Variants in EPS8 observed in about 807,000 individuals in gnomAD.
EPS8 encodes the protein EGFR pathway substrate 8, signaling adaptor, also known as epidermal growth factor receptor kinase substrate 8.
A neutral mutation model predicts 103.8 loss-of-function variants in EPS8; 42 were observed. The ratio of observed to expected loss-of-function variants is 0.40; its 90% CI spans 0.32 to 0.52. EPS8 has a LOEUF of 0.52. Ranked by LOEUF, EPS8 falls within the 20% of genes least tolerant of loss-of-function variation. The pLI, the probability that EPS8 is intolerant of heterozygous loss-of-function variation, is 0.40. For synonymous variants in EPS8, 344 were observed against 344.6 expected (o/e 1.00, Z 0.02); for missense variants, 969 against 1,005.1 (o/e 0.96, Z 0.49).
rs1167178442 is a variant in EPS8 at position 15,789,269 on chromosome 12, C to G, written c.-130G>C. On this transcript the variant is annotated 5_prime_UTR_variant, in exon 1 of 21. Coordinates refer to ENST00000281172, the MANE Select transcript of EPS8 (RefSeq NM_004447.6). The surrounding 1 kb of genome is among the most constrained non-coding windows in gnomAD (Gnocchi z 6.1). ...CCAATCTGATTCGCGCCCAGCCAGT[C>G]GTCCGCGAGCCGCGGAGCCGCCTTC... is the stretch of plus-strand genomic sequence containing the variant. 6.6e-6 allele frequency: 1 copy of G among 152,178 alleles called. No individual in the cohort carries two copies. Among genetic ancestry groups the G allele is most frequent in the Non-Finnish European group, 1.5e-5 (1 of 68,056 alleles). 9.4% of individuals were successfully genotyped at this position (152,178 alleles called of 1,614,324 possible).
In EPS8 at chr12:15,706,822, T is replaced by C. The variant is rs1946393143; in HGVS notation, c.-21-23850A>G. ...CAATTCTCCAACCTACTCTATTGTC[T>C]ATGTGTACAAGTTTTTTTTCTATTT... On this transcript the variant is annotated intron_variant, in intron 1 of 20. Coordinates refer to ENST00000281172, the MANE Select transcript of EPS8 (RefSeq NM_004447.6). The surrounding 1 kb of genome is among the most constrained non-coding windows in gnomAD (Gnocchi z 5.2). Among the ~76,000 whole-genome samples, 2 of 152,210 alleles carry C rather than the reference T, an allele frequency of 1.3e-5. No homozygotes were observed. Among genetic ancestry groups the C allele is most frequent in the Non-Finnish European group, 2.9e-5 (2 of 68,022 alleles).
chr12:15,754,152 C>T (rs905149556), intron 1 of EPS8, among the ~76,000 whole-genome samples: 1 of 152,040 alleles, frequency 6.6e-6, no homozygotes, highest in Non-Finnish European at 1.5e-5. Context: ...CATGAATTCT[C>T]TCTGTCCCAA....
chr12:15,737,523 T>TA (rs1565524445), intron 1 of EPS8, among the ~76,000 whole-genome samples: 1 of 152,174 alleles, frequency 6.6e-6, no homozygotes, highest in East Asian at 1.9e-4. Flanking sequence ...GTGCCTAATG[T>TA]ATATGAACTC....
At chr12:15,724,050 T>C (rs1010453489) in intron 1 of EPS8, among the ~76,000 whole-genome samples, 5 of 152,196 alleles carry the variant, frequency 3.3e-5, no homozygotes, top group Admixed American at 6.5e-5. Context: ...AAAAATTCTA[T>C]GGCTTCTTAA....
intron 1 of EPS8, among the ~76,000 whole-genome samples, chr12:15,703,847 GTTTT>G (rs58735135): frequency 8.5e-4 from 52 of 61,238 alleles, no homozygotes; most frequent in African/African-American, 3.0e-3. Context: ...CTATGTATTT[GTTTT>G]TTTTTTTTTT....
chr12:15,669,851 A>T, intron 4 of EPS8, 26 bp from the exon 5 acceptor site: 4 of 1,557,242 alleles, frequency 2.6e-6, no homozygotes, highest in Non-Finnish European at 3.5e-6. Context: ...AAGGAAAAAG[A>T]TTTATAACAC....
At position 15,787,790 on chromosome 12, in the gene EPS8, T is replaced by C. The variant is rs980541393; in HGVS notation, c.-22+1371A>G. ...TCTACCTTACCCTTTATGTGACAAT[T>C]CTATACTGTTTTAACTGTCAAATTG... On this transcript the variant is annotated intron_variant, in intron 1 of 20. Transcript: ENST00000281172. The surrounding 1 kb of genome is among the most constrained non-coding windows in gnomAD (Gnocchi z 4.9). 1.3e-5 allele frequency among the ~76,000 whole-genome samples: 2 copies of C among 152,196 alleles called. No homozygotes were observed. The highest frequency in any genetic ancestry group is 4.8e-5 in the African/African-American group (2 of 41,438).
Position 15,654,304 on chromosome 12 carries a change from A to G in EPS8, c.1102-11T>C. On this transcript the variant is annotated splice_polypyrimidine_tract_variant and intron_variant, in intron 12 of 20. Transcript: ENST00000281172. The stretch of plus-strand genomic sequence containing the variant: ...TGTTGCCTGCACCACCTAAGATAAT[A>G]AACCATTTTTTAGCAAGAAGATTAC... 6.2e-7 allele frequency: 1 copy of G among 1,610,478 alleles called. No homozygotes were observed. The highest frequency in any genetic ancestry group is 1.1e-5 in the South Asian group (1 of 90,408).
intron 1 of EPS8, among the ~76,000 whole-genome samples, chr12:15,782,700 G>A (rs754730124): frequency 6.6e-6 from 1 of 151,932 alleles, no homozygotes; most frequent in African/African-American, 2.4e-5. Context: ...ACACACACAC[G>A]ATACATAGTA....
rs1212191886 is a variant in EPS8 at position 15,768,221 on chromosome 12, C to T, written c.-22+20940G>A. On this transcript the variant is annotated intron_variant, in intron 1 of 20. Coordinates refer to ENST00000281172, the MANE Select transcript of EPS8 (RefSeq NM_004447.6). ...TTGGGAGGCCAAGGCGGGTGGATCA[C>T]GAGGTCAGGAGTTCAAGACCAGCCT... 3.3e-5 allele frequency among the ~76,000 whole-genome samples: 5 copies of T among 151,728 alleles called. No homozygotes were observed. In the East Asian group the frequency reaches 9.7e-4, roughly 29 times the overall value.
rs1330722328 is a variant in EPS8, at chr12:15,647,157, A to G, written c.1538T>C (p.Phe513Ser). 6.2e-7 allele frequency: 1 copy of G among 1,613,872 alleles called. No homozygotes were observed. The highest frequency in any genetic ancestry group is 1.3e-5 in the African/African-American group (1 of 74,942). Residue 513 changes from phenylalanine (F) to serine (S), a missense_variant, in exon 15 of 21, where the codon TTT (phenylalanine) becomes TCT (serine). Transcript: ENST00000281172. ...HLDQGEAAVA[F>S]KPTSNRHIDR... ...TATATGGCGATTAGAAGTTGGCTTAAAAGCAACAGCAGCTTCCCCTTGGTC... is the reference window on the plus strand; with the variant it reads ...TATATGGCGATTAGAAGTTGGCTTAGAAGCAACAGCAGCTTCCCCTTGGTC...
In EPS8 at chr12:15,723,538, CTG is replaced by C. The variant is rs1338918359; in HGVS notation, c.-21-40568_-21-40567del. 1.1e-3 allele frequency among the ~76,000 whole-genome samples: 165 copies of C among 152,090 alleles called. 1 individual carries two copies. The highest frequency in any genetic ancestry group is 3.8e-3 in the African/African-American group (156 of 41,488). On this transcript the variant is annotated intron_variant, in intron 1 of 20. Coordinates refer to ENST00000281172, the MANE Select transcript of EPS8 (RefSeq NM_004447.6). ...GGTACAAATATGCATAAGATTTTTC[CTG>C]AAGACCAAAATATACATACATCTTG... is the stretch of plus-strand genomic sequence containing the variant.
rs998369500 is a variant in EPS8, at chr12:15,747,730, A to G, written c.-22+41431T>C. On this transcript the variant is annotated intron_variant, in intron 1 of 20. Coordinates refer to ENST00000281172, the MANE Select transcript of EPS8 (RefSeq NM_004447.6). This position sits in a 1 kb window ranked among gnomAD's most constrained non-coding sequence, Gnocchi z 4.4. ...AACAGGACAAATACTCCAATTTAAG[A>G]AAAAAAATAGCCAGGCGCAGTGGCT... Among the ~76,000 whole-genome samples, 3 of 151,986 alleles carry G rather than the reference A, an allele frequency of 2.0e-5. No individual in the cohort carries two copies. Among genetic ancestry groups the G allele is most frequent in the Non-Finnish European group, 4.4e-5 (3 of 67,976 alleles).
Position 15,756,544 on chromosome 12 carries a change from C to A in EPS8, c.-22+32617G>T, listed in dbSNP as rs568280391. ...TCCACTTTTTTTCATAAGCATGCAA[C>A]CAGTATTAAAAAGCATGGTTCATCT... On this transcript the variant is annotated intron_variant, in intron 1 of 20. Transcript: ENST00000281172. Among the ~76,000 whole-genome samples the A allele has an allele frequency of 2.0e-5, 3 of 152,138 alleles. No individual in the cohort carries two copies. The East Asian group carries it at 5.8e-4, about 29-fold the overall frequency.
chr12:15,683,753 T>C (rs1380153469), intron 1 of EPS8: 3 of 152,212 alleles, frequency 2.0e-5, no homozygotes, highest in Admixed American at 1.3e-4. Context: ...TGGCCTTTTC[T>C]TTCTTCTAGA....
Position 15,672,010 on chromosome 12 carries a change from G to A in EPS8, c.137-1087C>T, listed in dbSNP as rs764523566. Among the ~76,000 whole-genome samples, 44 of 152,112 alleles carry A rather than the reference G, an allele frequency of 2.9e-4. 1 individual carries two copies. Among genetic ancestry groups the A allele is most frequent in the Non-Finnish European group, 5.0e-4 (34 of 67,984 alleles). ...TACCCTGGGCCTCAGCACCCTTACT[G>A]TAAAATAAAAGGATTAAACAAGGTC... On this transcript the variant is annotated intron_variant, in intron 3 of 20. Coordinates refer to ENST00000281172, the MANE Select transcript of EPS8 (RefSeq NM_004447.6).
At chr12:15,638,628 C>A (rs1330009340) in intron 17 of EPS8, among the ~76,000 whole-genome samples, 1 of 152,176 alleles carries the variant, frequency 6.6e-6, no homozygotes, top group African/African-American at 2.4e-5. Context: ...GCCAAATAGG[C>A]AATCCCTATA....
chr12:15,781,602 G>A lies in EPS8; in HGVS notation c.-22+7559C>T, dbSNP rs1459852719. 1 of 152,214 alleles carries A rather than the reference G, an allele frequency of 6.6e-6. No individual in the cohort carries two copies. Among genetic ancestry groups the A allele is most frequent in the African/African-American group, 2.4e-5 (1 of 41,438 alleles). 9.4% of individuals were successfully genotyped at this position (152,214 alleles called of 1,614,324 possible). A position where few individuals can be genotyped will look rare whatever the true frequency, so the allele number is the denominator to read the frequency against. ...TATTATTATGTGAGCTGCTCCACCT[G>A]CTTCTTGAAGACTACTGGTTCTAAC... On this transcript the variant is annotated intron_variant, in intron 1 of 20. Coordinates refer to ENST00000281172, the MANE Select transcript of EPS8 (RefSeq NM_004447.6). This position sits in a 1 kb window ranked among gnomAD's most constrained non-coding sequence, Gnocchi z 4.1.
intron 18 of EPS8, among the ~76,000 whole-genome samples, chr12:15,625,933 C>G (rs191038865): frequency 6.6e-6 from 1 of 152,150 alleles, no homozygotes; most frequent in Non-Finnish European, 1.5e-5. Context: ...TATATGCTGT[C>G]TACTTGATAT....
Sources: allele counts gnomAD v4.1 joint callset (sites outside exome capture counted in the v4.1 genomes callset), GRCh38; gene constraint gnomAD v4.1.1; non-coding constraint Gnocchi (gnomAD v3.1); transcripts MANE v1.5; gene names NCBI Gene and HGNC (gene_info 2026-07-23, HGNC 2026-07-21).